GPC5: variants seen among roughly 807,000 people sequenced by gnomAD.
GPC5 encodes glypican 5.
In GPC5, 47 loss-of-function variants were observed where a neutral mutation model predicts 53.9. The ratio of observed to expected loss-of-function variants is 0.87; its 90% confidence interval spans 0.69 to 1.11. GPC5 has a LOEUF of 1.11. GPC5 is among the 50% of genes most tolerant of loss of function. GPC5 has a pLI of 0.00. For synonymous variants in GPC5, 286 were observed against 263.3 expected (o/e 1.09, Z -0.84); for missense variants, 748 against 713.1 (o/e 1.05, Z -0.56).
intron 7 of GPC5, among the ~76,000 whole-genome samples, chr13:92,410,118 C>T (rs1004097322): frequency 2.6e-5 from 4 of 152,186 alleles, no homozygotes; most frequent in East Asian, 1.9e-4. Context: ...TTTTACAGAA[C>T]GTTGCAGTAT....
intron 2 of GPC5, among the ~76,000 whole-genome samples, chr13:91,549,822 G>A (rs1404762727): frequency 1.3e-5 from 2 of 152,174 alleles, no homozygotes; most frequent in Admixed American, 6.5e-5. Flanking sequence ...ATGCAAAATA[G>A]TGCAGCTACT....
chr13:91,608,130 T>C (rs2139286773), intron 2 of GPC5, among the ~76,000 whole-genome samples: 1 of 152,324 alleles, frequency 6.6e-6, no homozygotes, highest in East Asian at 1.9e-4. Flanking sequence ...GTTTCTCAAG[T>C]GACTTGTGTA....
At position 91,398,994 on chromosome 13, in the gene GPC5, C is replaced by T; in HGVS notation, c.-53C>T. The stretch of plus-strand genomic sequence containing the variant: ...TTCCACGTCTGCAGCTCAGCCAGGG[C>T]GCGCAGGGCGAGTGGGGTCCACTGG... On this transcript the variant is annotated 5_prime_UTR_variant, in exon 1 of 8. Coordinates refer to ENST00000377067, the MANE Select transcript of GPC5 (RefSeq NM_004466.6). 1 of 1,520,516 alleles carries T rather than the reference C, an allele frequency of 6.6e-7. No homozygotes were observed. The highest frequency in any genetic ancestry group is 2.0e-5 in the Admixed American group (1 of 48,938). The allele number at this position is 1,520,516 out of a possible 1,614,324, so 94.2% of individuals were successfully genotyped here.
At chr13:91,703,393 G>A (rs1245972856) in intron 3 of GPC5, among the ~76,000 whole-genome samples, 1 of 152,040 alleles carries the variant, frequency 6.6e-6, no homozygotes, top group Admixed American at 6.5e-5. Flanking sequence ...AAAGAATATT[G>A]AATTGTATCA....
At chr13:91,972,273 A>T (rs1015032806) in intron 6 of GPC5, among the ~76,000 whole-genome samples, 2 of 152,128 alleles carry the variant, frequency 1.3e-5, no homozygotes, top group African/African-American at 4.8e-5. Context: ...GTTTTATCAG[A>T]GACTAGGATT....
chr13:91,745,521 G>A (rs2037029741), intron 4 of GPC5, among the ~76,000 whole-genome samples: 1 of 151,792 alleles, frequency 6.6e-6, no homozygotes. Context: ...CTTTAGTTTT[G>A]TTTTGAAATC....
At chr13:92,599,779 G>T (rs573759784) in intron 7 of GPC5, among the ~76,000 whole-genome samples, 1 of 149,132 alleles carries the variant, frequency 6.7e-6, no homozygotes, top group Admixed American at 6.8e-5. Flanking sequence ...AATTTTCCTG[G>T]ATTAAGAGAG....
intron 7 of GPC5, among the ~76,000 whole-genome samples, chr13:92,324,751 T>A (rs1008893563): frequency 1.3e-5 from 2 of 151,882 alleles, no homozygotes; most frequent in African/African-American, 4.8e-5. Context: ...TACTTATTAT[T>A]ATGTTAGTGA....
intron 2 of GPC5, among the ~76,000 whole-genome samples, chr13:91,669,599 A>T (rs920910147): frequency 2.6e-5 from 4 of 152,226 alleles, no homozygotes; most frequent in South Asian, 4.1e-4. Context: ...AGACGATAAC[A>T]GCTGAAATGG....
At chr13:91,878,185 A>C (rs2039225093) in intron 5 of GPC5, among the ~76,000 whole-genome samples, 1 of 152,162 alleles carries the variant, frequency 6.6e-6, no homozygotes, top group African/African-American at 2.4e-5. Context: ...ATTATTTTGA[A>C]GTAGTTTGTG....
intron 7 of GPC5, among the ~76,000 whole-genome samples, chr13:92,668,421 A>T (rs1461698485): frequency 6.6e-6 from 1 of 152,166 alleles, no homozygotes; most frequent in Non-Finnish European, 1.5e-5. Context: ...GCTATTTAGA[A>T]GCCAAACCTT....
intron 5 of GPC5, among the ~76,000 whole-genome samples, chr13:91,907,498 TCTC>T (rs1484845334): frequency 5.7e-4 from 48 of 84,572 alleles, no homozygotes; most frequent in African/African-American, 1.8e-3. Flanking sequence ...TCTCTCTCTC[TCTC>T]TTTATATATA....
At chr13:92,527,168 GAAAGAGAAAGAAAGAAGAAAGAAAGA>G (rs1881341002) in intron 7 of GPC5, among the ~76,000 whole-genome samples, 13 of 107,230 alleles carry the variant, frequency 1.2e-4, no homozygotes, top group Non-Finnish European at 2.4e-4. Context: ...AAGAAAGAAA[GAAAGAGAAAGAAAGAAGAAAGAAAGA>G]AAGAAAGAAA....
At chr13:92,670,519 G>A (rs1188532121) in intron 7 of GPC5, among the ~76,000 whole-genome samples, 2 of 152,158 alleles carry the variant, frequency 1.3e-5, no homozygotes, top group South Asian at 2.1e-4. Context: ...TCTCAGTGCT[G>A]TTCAGTTCTT....
chr13:92,362,598 T>G (rs752680987), intron 7 of GPC5, among the ~76,000 whole-genome samples: 3 of 151,768 alleles, frequency 2.0e-5, no homozygotes, highest in Non-Finnish European at 2.9e-5. Flanking sequence ...CTAAAAATTC[T>G]TCCCCTGCCT....
chr13:92,055,291 T>C (rs1478109334), intron 6 of GPC5, among the ~76,000 whole-genome samples: 2 of 152,220 alleles, frequency 1.3e-5, no homozygotes, highest in Non-Finnish European at 2.9e-5. Flanking sequence ...AGTGACTTTG[T>C]ATTTTGAGAT....
intron 7 of GPC5, among the ~76,000 whole-genome samples, chr13:92,795,314 G>T (rs1324302854): frequency 6.6e-6 from 1 of 152,160 alleles, no homozygotes; most frequent in African/African-American, 2.4e-5. Context: ...ACAGTGCTGG[G>T]AAAACTGGCT....
At chr13:91,839,387 T>C (rs920286866) in intron 5 of GPC5, among the ~76,000 whole-genome samples, 6 of 152,110 alleles carry the variant, frequency 3.9e-5, no homozygotes, top group African/African-American at 1.4e-4. Context: ...TTTCTCTGCC[T>C]CCATATCAGC....
chr13:92,775,913 A>G (rs1875787452), intron 7 of GPC5, among the ~76,000 whole-genome samples: 2 of 152,220 alleles, frequency 1.3e-5, no homozygotes, highest in Admixed American at 6.5e-5. Context: ...ATAACTTTTA[A>G]GCACCTACTC....
Sources: gnomAD v4.1 joint callset for allele counts (sites outside exome capture counted in the v4.1 genomes callset) on GRCh38, gnomAD v4.1.1 for gene constraint, MANE v1.5 for transcripts, NCBI Gene and HGNC (gene_info 2026-07-23, HGNC 2026-07-21) for gene names.